Variants in NKAIN2 observed in about 807,000 individuals in gnomAD.
NKAIN2 encodes the protein sodium/potassium transporting ATPase interacting 2, also known as sodium/potassium-transporting ATPase subunit beta-1-interacting protein 2.
In NKAIN2, 14 loss-of-function variants were observed where a neutral mutation model predicts 32.6. The observed-to-expected ratio is 0.43, with a 90% CI of 0.28 to 0.67. The LOEUF is 0.67. Ranked by LOEUF, NKAIN2 falls within the 30% of genes least tolerant of loss-of-function variation. The pLI is 0.17. For synonymous variants in NKAIN2, 80 were observed against 87.2 expected (o/e 0.92, Z 0.46); for missense variants, 198 against 258.3 (o/e 0.77, Z 1.60).
At chr6:124,437,875 T>TTTTG in intron 3 of NKAIN2, 1 of 374,444 alleles carries the variant, frequency 2.7e-6, no homozygotes. Context: ...TCTATTGATT[T>TTTTG]TTTTTTTTTT....
intron 3 of NKAIN2, among the ~76,000 whole-genome samples, chr6:124,452,611 GTTAGT>G (rs1324363534): frequency 6.6e-6 from 1 of 152,054 alleles, no homozygotes; most frequent in African/African-American, 2.4e-5. Context: ...GCAGAGGAAA[GTTAGT>G]TTAGAATAAG....
intron 2 of NKAIN2, among the ~76,000 whole-genome samples, chr6:124,300,415 T>C (rs1481116410): frequency 6.6e-6 from 1 of 152,150 alleles, no homozygotes; most frequent in Non-Finnish European, 1.5e-5. Flanking sequence ...CTTCCCAGTA[T>C]TAATTACCCA....
chr6:124,683,651 G>T (rs1332277909), intron 4 of NKAIN2, among the ~76,000 whole-genome samples: 1 of 152,134 alleles, frequency 6.6e-6, no homozygotes, highest in Non-Finnish European at 1.5e-5. Flanking sequence ...TGACTAGTGT[G>T]CAAGCACCTT....
chr6:124,020,667 C>T (rs1780822758), intron 1 of NKAIN2, among the ~76,000 whole-genome samples: 1 of 152,068 alleles, frequency 6.6e-6, no homozygotes, highest in Admixed American at 6.6e-5. Flanking sequence ...CTCTGATAAT[C>T]TATTTTTGTT....
At chr6:124,687,493 C>T (rs111218820) in intron 4 of NKAIN2, among the ~76,000 whole-genome samples, 5 of 314 alleles carry the variant, frequency 0.016, no homozygotes, top group South Asian at 0.12. Flanking sequence ...ATATTCCATA[C>T]ATATACATAC....
In NKAIN2 at chr6:123,846,842, G is replaced by GCA. The variant is rs1466367133; in HGVS notation, c.54+42589_54+42590insAC. ...ACGCCACCGCCACACACACGCACGC[G>GCA]CGCACACACACACACACACATAACA... On this transcript the variant is annotated intron_variant, in intron 1 of 6. Transcript: ENST00000368417. Among the ~76,000 whole-genome samples the GCA allele has an allele frequency of 1.0e-4, 7 of 66,880 alleles. No individual in the cohort carries two copies. In the South Asian group the frequency reaches 8.2e-3, roughly 78 times the overall value. The allele number at this position is 66,880 out of a possible 152,430, so 43.9% of individuals were successfully genotyped here.
At chr6:124,028,906 CAT>C (rs1781276007) in intron 1 of NKAIN2, among the ~76,000 whole-genome samples, 2 of 14,990 alleles carry the variant, frequency 1.3e-4, no homozygotes, top group African/African-American at 1.2e-3. Flanking sequence ...TATATATACA[CAT>C]ATATGTATAT....
chr6:124,110,864 T>C (rs1785352639), intron 1 of NKAIN2, among the ~76,000 whole-genome samples: 2 of 152,148 alleles, frequency 1.3e-5, no homozygotes, highest in Admixed American at 1.3e-4. Context: ...CATGCAAGTG[T>C]ATGTGTATTT....
rs555581011 is a variant in NKAIN2 at position 124,320,738 on chromosome 6, T to C, written c.193-34529T>C. Among the ~76,000 whole-genome samples, 3 of 152,340 alleles carry C rather than the reference T, an allele frequency of 2.0e-5. No individual in the cohort carries two copies. The South Asian group carries it at 6.2e-4, about 32-fold the overall frequency. On this transcript the variant is annotated intron_variant, in intron 2 of 6. Transcript: ENST00000368417. Reference sequence around the variant, plus strand: ...TGACCTTTTGATTTAAAATGTTTCATCCATGATATTCAATGAATACCTTGA... The same window carrying C: ...TGACCTTTTGATTTAAAATGTTTCACCCATGATATTCAATGAATACCTTGA...
intron 3 of NKAIN2, among the ~76,000 whole-genome samples, chr6:124,626,967 C>A (rs1418590839): frequency 6.6e-6 from 1 of 151,922 alleles, no homozygotes; most frequent in African/African-American, 2.4e-5. Context: ...TTTTATTTTC[C>A]TTTTTAAAAT....
intron 3 of NKAIN2, among the ~76,000 whole-genome samples, chr6:124,518,292 TAAA>T (rs59600600): frequency 1.4e-5 from 2 of 140,254 alleles, no homozygotes; most frequent in Non-Finnish European, 3.0e-5. Context: ...TGATTCTAGT[TAAA>T]AAAAAAAAAA....
At chr6:124,700,021 G>A (rs1463695537) in intron 4 of NKAIN2, among the ~76,000 whole-genome samples, 2 of 152,084 alleles carry the variant, frequency 1.3e-5, no homozygotes. Flanking sequence ...GTAAGATTTA[G>A]AATCCAGCAG....
intron 4 of NKAIN2, among the ~76,000 whole-genome samples, chr6:124,711,794 T>A (rs905069457): frequency 2.0e-5 from 3 of 152,150 alleles, no homozygotes; most frequent in Non-Finnish European, 2.9e-5. Context: ...GTAATTTGAT[T>A]GTCTGAAGCC....
At chr6:124,463,669 T>G (rs1173577509) in intron 3 of NKAIN2, among the ~76,000 whole-genome samples, 1 of 152,132 alleles carries the variant, frequency 6.6e-6, no homozygotes, top group Non-Finnish European at 1.5e-5. Context: ...CTTTCTTAAC[T>G]TATTCTGCCT....
intron 3 of NKAIN2, among the ~76,000 whole-genome samples, chr6:124,455,829 A>G (rs1250374792): frequency 6.6e-6 from 1 of 151,964 alleles, no homozygotes; most frequent in Non-Finnish European, 1.5e-5. Flanking sequence ...ATGCACATAT[A>G]TCTAATGTAA....
intron 4 of NKAIN2, among the ~76,000 whole-genome samples, chr6:124,687,580 T>A (rs1168546374): frequency 0.01 from 90 of 8,910 alleles, 1 homozygote; most frequent in Admixed American, 0.017. Context: ...TAATATATAT[T>A]TATAATATAA....
chr6:124,259,387 G>A (rs1171139643), intron 1 of NKAIN2, among the ~76,000 whole-genome samples: 3 of 152,094 alleles, frequency 2.0e-5, no homozygotes, highest in Non-Finnish European at 4.4e-5. Context: ...ATACTATCTG[G>A]GAGGGCTGAG....
intron 1 of NKAIN2, among the ~76,000 whole-genome samples, chr6:124,013,754 AAATGCAGAAACTCT>A (rs1780443257): frequency 6.6e-6 from 1 of 152,190 alleles, no homozygotes; most frequent in African/African-American, 2.4e-5. Flanking sequence ...ACGTGTCTGT[AAATGCAGAAACTCT>A]TTCCCAACTG....
chr6:124,727,539 A>C (rs1479950679), intron 4 of NKAIN2, among the ~76,000 whole-genome samples: 3 of 151,828 alleles, frequency 2.0e-5, no homozygotes, highest in Admixed American at 1.3e-4. Flanking sequence ...GCCTGCCCTA[A>C]AAGAGCTCCT....
Sources: gnomAD v4.1 joint callset for allele counts (sites outside exome capture counted in the v4.1 genomes callset) on GRCh38, gnomAD v4.1.1 for gene constraint, MANE v1.5 for transcripts, NCBI Gene and HGNC (gene_info 2026-07-23, HGNC 2026-07-21) for gene names.